CREB5: variants seen among roughly 807,000 people sequenced by gnomAD.
CREB5 encodes cAMP responsive element binding protein 5, also known as cyclic AMP-responsive element-binding protein 5.
In CREB5, 19 loss-of-function variants were observed where a neutral mutation model predicts 57.1. That is an observed-to-expected ratio of 0.33 (90% confidence interval 0.23 to 0.49). The LOEUF is 0.49. Among genes scored for constraint, CREB5 ranks in the 20% least tolerant of loss-of-function variants. The probability of loss-of-function intolerance (pLI) is 0.99; values close to 1 mark genes in which losing one functional copy is unlikely to be tolerated. For missense variants in CREB5, 579 were observed against 671.6 expected, an observed-to-expected ratio of 0.86 and a Z score of 1.52; for synonymous variants, 238 against 238.3, an observed-to-expected ratio of 1.00 and a Z score of 0.01.
At chr7:28,331,025 C>G (rs780950888) in intron 1 of CREB5, among the ~76,000 whole-genome samples, 1 of 152,112 alleles carries the variant, frequency 6.6e-6, no homozygotes, top group Non-Finnish European at 1.5e-5. Flanking sequence ...TCAGCTGTAT[C>G]AGTTACAATG....
intron 5 of CREB5, among the ~76,000 whole-genome samples, chr7:28,614,366 T>G (rs1167276709): frequency 6.6e-6 from 1 of 152,224 alleles, no homozygotes; most frequent in East Asian, 1.9e-4. Context: ...AAATGTATGT[T>G]TCAGAATGTC....
chr7:28,641,673 C>T (rs576605562), intron 5 of CREB5, among the ~76,000 whole-genome samples: 14 of 152,212 alleles, frequency 9.2e-5, no homozygotes, highest in Admixed American at 2.6e-4. Context: ...ATTTTCTCTG[C>T]CAGAAAGGAA....
At chr7:28,337,074 A>C (rs1239047532) in intron 1 of CREB5, among the ~76,000 whole-genome samples, 1 of 152,086 alleles carries the variant, frequency 6.6e-6, no homozygotes, top group Admixed American at 6.6e-5. Context: ...ATATTATTTC[A>C]ATATTTTGAA....
In CREB5 at chr7:28,544,416, C is replaced by G. The variant is rs548388592; in HGVS notation, c.292-25949C>G. ...CTGCCTTCCAAAGCCCTGGCACCAT[C>G]TCTTTTTAATATAATAACAGTCTCC... On this transcript the variant is annotated intron_variant, in intron 4 of 10. Coordinates refer to ENST00000357727, the MANE Select transcript of CREB5 (RefSeq NM_182898.4). Among the ~76,000 whole-genome samples, 5 of 152,290 alleles carry G rather than the reference C, an allele frequency of 3.3e-5. No homozygotes were observed. The South Asian group carries it at 1.0e-3, about 32-fold the overall frequency.
At chr7:28,417,561 C>T (rs1053436935) in intron 1 of CREB5, among the ~76,000 whole-genome samples, 1 of 152,178 alleles carries the variant, frequency 6.6e-6, no homozygotes, top group African/African-American at 2.4e-5. Flanking sequence ...AACACTGATA[C>T]CCTTCCACTC....
intron 7 of CREB5, among the ~76,000 whole-genome samples, chr7:28,724,945 T>G (rs895124322): frequency 6.6e-6 from 1 of 152,246 alleles, no homozygotes; most frequent in Admixed American, 6.5e-5. Flanking sequence ...GCATCTATAT[T>G]CTACCAAATA....
At chr7:28,731,744 T>A (rs1803647368) in intron 7 of CREB5, among the ~76,000 whole-genome samples, 1 of 152,202 alleles carries the variant, frequency 6.6e-6, no homozygotes, top group Non-Finnish European at 1.5e-5. Context: ...GCAATTTGGT[T>A]ATTGAAGCGA....
chr7:28,581,482 G>C (rs769275410), intron 5 of CREB5, among the ~76,000 whole-genome samples: 1 of 152,134 alleles, frequency 6.6e-6, no homozygotes, highest in African/African-American at 2.4e-5. Flanking sequence ...TCCTTGCCAA[G>C]GCCTGTACCA....
intron 8 of CREB5, among the ~76,000 whole-genome samples, chr7:28,806,089 A>C (rs1263028015): frequency 6.6e-6 from 1 of 152,212 alleles, no homozygotes; most frequent in Non-Finnish European, 1.5e-5. Flanking sequence ...GAGAACATCA[A>C]GGTTTGGTTG....
At chr7:28,748,627 T>C (rs1326412244) in intron 7 of CREB5, among the ~76,000 whole-genome samples, 1 of 152,222 alleles carries the variant, frequency 6.6e-6, no homozygotes, top group Non-Finnish European at 1.5e-5. Flanking sequence ...GACTTCAGTA[T>C]CTGTGGAACA....
chr7:28,340,056 G>T (rs914881910), intron 1 of CREB5, among the ~76,000 whole-genome samples: 4 of 152,138 alleles, frequency 2.6e-5, no homozygotes, highest in African/African-American at 9.7e-5. Context: ...CTGGCCCAAG[G>T]CAGTTCCAGA....
chr7:28,436,501 G>A (rs969181018), intron 1 of CREB5, among the ~76,000 whole-genome samples: 4 of 152,092 alleles, frequency 2.6e-5, no homozygotes, highest in African/African-American at 7.2e-5. Context: ...ATCTGAAGAG[G>A]ATGGATTTTT....
chr7:28,384,885 T>C lies in CREB5; in HGVS notation c.-25+85444T>C, dbSNP rs190641174. ...TTGGTAAATGTTTCCTTGTTAAAAC[T>C]AAAATAATTTTATGTGAAAATTCAA... On this transcript the variant is annotated intron_variant, in intron 1 of 9. Coordinates refer to the CREB5 transcript ENST00000396299. Among the ~76,000 whole-genome samples the C allele has an allele frequency of 2.0e-5, 3 of 152,318 alleles. No individual in the cohort carries two copies. In the East Asian group the frequency reaches 5.8e-4, roughly 29 times the overall value.
Position 28,545,117 on chromosome 7 carries a change from A to G in CREB5, c.292-25248A>G, listed in dbSNP as rs532476834. ...TTAGATCAATATTATGGCCCTGGAG[A>G]CAGCCCTCTTCAAATTAGTAAAGTT... On this transcript the variant is annotated intron_variant, in intron 4 of 10. Transcript: ENST00000357727. Among the ~76,000 whole-genome samples the G allele has an allele frequency of 4.6e-5, 7 of 152,288 alleles. No individual in the cohort carries two copies. In the South Asian group the frequency reaches 1.0e-3, roughly 23 times the overall value.
At chr7:28,456,706 C>T (rs1336163117) in intron 1 of CREB5, among the ~76,000 whole-genome samples, 1 of 152,212 alleles carries the variant, frequency 6.6e-6, no homozygotes, top group South Asian at 2.1e-4. Context: ...GTTGCTTTCA[C>T]TGGGGCAGGT....
At chr7:28,564,838 G>T (rs777370499) in intron 4 of CREB5, among the ~76,000 whole-genome samples, 1 of 152,194 alleles carries the variant, frequency 6.6e-6, no homozygotes, top group African/African-American at 2.4e-5. Flanking sequence ...AAAGCTTATG[G>T]TTATGAAGAA....
intron 5 of CREB5, among the ~76,000 whole-genome samples, chr7:28,599,222 T>A (rs1314505231): frequency 6.6e-6 from 1 of 152,064 alleles, no homozygotes; most frequent in African/African-American, 2.4e-5. Context: ...ATATACAGGA[T>A]ATATATATTA....
chr7:28,341,907 C>G (rs1401786809), intron 1 of CREB5, among the ~76,000 whole-genome samples: 1 of 152,094 alleles, frequency 6.6e-6, no homozygotes, highest in African/African-American at 2.4e-5. Flanking sequence ...AAGTTTTGTG[C>G]AGAAAGTGAG....
At chr7:28,674,885 GA>G (rs1360742307) in intron 5 of CREB5, among the ~76,000 whole-genome samples, 1 of 152,166 alleles carries the variant, frequency 6.6e-6, no homozygotes. Context: ...AATTAAAATA[GA>G]AACTCTGTAG....
Sources: gnomAD v4.1 joint callset for allele counts (sites outside exome capture counted in the v4.1 genomes callset) on GRCh38, gnomAD v4.1.1 for gene constraint, MANE v1.5 for transcripts, NCBI Gene and HGNC (gene_info 2026-07-23, HGNC 2026-07-21) for gene names.